The following ATXN3 variants were observed in gnomAD, a reference collection of about 807,000 sequenced individuals.
The protein encoded by ATXN3 is ataxin-3.
ATXN3 carries 28 observed loss-of-function variants against 58.2 expected under a neutral mutation model. The observed-to-expected ratio is 0.48, with a 90% confidence interval of 0.36 to 0.66. The LOEUF is 0.66. ATXN3 is among the 30% of genes least tolerant of loss of function. The probability of loss-of-function intolerance (pLI) is 0.00; values close to 1 mark genes in which losing one functional copy is unlikely to be tolerated. For synonymous variants in ATXN3, 113 were observed against 138.5 expected (o/e 0.82, Z 1.29); for missense variants, 321 against 422.1 (o/e 0.76, Z 2.10).
At chr14:92,083,284 C>A in intron 6 of ATXN3, 26 bp from the exon 7 acceptor site, 1 of 1,587,496 alleles carries the variant, frequency 6.3e-7, no homozygotes, top group Non-Finnish European at 8.6e-7. Context: ...AAAAATCAAC[C>A]TAACCAGTTA....
chr14:92,069,095 T>TTTTTTTTG (rs2058961852), intron 10 of ATXN3, among the ~76,000 whole-genome samples: 1 of 151,672 alleles, frequency 6.6e-6, no homozygotes, highest in African/African-American at 2.4e-5. Context: ...TTTTTTTTTT[T>TTTTTTTTG]GAGAAGGAGT....
At chr14:92,100,965 C>T (rs1482564166) in intron 1 of ATXN3, among the ~76,000 whole-genome samples, 2 of 152,116 alleles carry the variant, frequency 1.3e-5, no homozygotes, top group Non-Finnish European at 2.9e-5. Context: ...AAACTATGGT[C>T]ACCATACTTA....
chr14:92,101,026 T>C (rs1017252469), intron 1 of ATXN3, among the ~76,000 whole-genome samples: 15 of 139,638 alleles, frequency 1.1e-4, no homozygotes, highest in African/African-American at 3.9e-4. Flanking sequence ...AAATTCTCTC[T>C]ATAAAAAATA....
Position 92,102,241 on chromosome 14 carries a change from G to GGAAA in ATXN3, c.24+4284_24+4287dup, listed in dbSNP as rs1013145149. Among the ~76,000 whole-genome samples the GGAAA allele has an allele frequency of 4.7e-3, 598 of 127,848 alleles. 3 individuals carry two copies. Among genetic ancestry groups the GGAAA allele is most frequent in the African/African-American group, 0.016 (556 of 35,240 alleles). The allele number at this position is 127,848 out of a possible 152,430, so 83.9% of individuals were successfully genotyped here. ...AGAAAAGAAAGAAGGAAGGAAGGAAGGAAAGAAAGAAAGAAAAGGAAGAAA... is the reference window on the plus strand; with the variant it reads ...AGAAAAGAAAGAAGGAAGGAAGGAAGGAAAGAAAGAAAGAAAGAAAAGGAAGAAA... On this transcript the variant is annotated intron_variant, in intron 1 of 10. Transcript: ENST00000644486.
At chr14:92,083,386 CT>C in intron 6 of ATXN3, 128 bp from the exon 7 acceptor site, 1 of 942,036 alleles carries the variant, frequency 1.1e-6, no homozygotes, top group Non-Finnish European at 1.6e-6. Context: ...TTCAGAAAGA[CT>C]TTAGTCCAAA....
chr14:92,099,075 C>G (rs1212217616), intron 1 of ATXN3, among the ~76,000 whole-genome samples: 1 of 152,170 alleles, frequency 6.6e-6, no homozygotes, highest in Non-Finnish European at 1.5e-5. Flanking sequence ...ACACAGACAC[C>G]AGGTTTGCCC....
At chr14:92,045,382 T>C (rs1050881633) in intron 2 of ATXN3, among the ~76,000 whole-genome samples, 1 of 152,190 alleles carries the variant, frequency 6.6e-6, no homozygotes, top group Non-Finnish European at 1.5e-5. Context: ...AGAAATTATT[T>C]CTGACAGAAG....
chr14:92,069,084 T>TTTTTTTG (rs1469240368), intron 10 of ATXN3, among the ~76,000 whole-genome samples: 1 of 77,274 alleles, frequency 1.3e-5, no homozygotes, highest in Non-Finnish European at 2.6e-5. Flanking sequence ...TGCTATAATC[T>TTTTTTTG]TTTTTTTTTT....
chr14:92,104,818 G>A (rs1352059420), intron 1 of ATXN3, among the ~76,000 whole-genome samples: 5 of 151,856 alleles, frequency 3.3e-5, no homozygotes, highest in Non-Finnish European at 7.4e-5. Flanking sequence ...AGCTACTGGG[G>A]AGACTGAGGC....
At chr14:92,106,118 TTAGGG>T (rs1482830004) in intron 1 of ATXN3, among the ~76,000 whole-genome samples, 3 of 151,880 alleles carry the variant, frequency 2.0e-5, no homozygotes, top group Non-Finnish European at 4.4e-5. Context: ...TCTGCCAGGA[TTAGGG>T]TAGGAGGGGT....
chr14:92,099,968 G>GA (rs1187560858), intron 1 of ATXN3, among the ~76,000 whole-genome samples: 1 of 151,774 alleles, frequency 6.6e-6, no homozygotes, highest in Admixed American at 6.6e-5. Flanking sequence ...GAAAAAGAAA[G>GA]AAAGAAAAGA....
chr14:92,061,370 C>A lies in ATXN3; in HGVS notation c.*2950G>T, dbSNP rs1015207948. On this transcript the variant is annotated 3_prime_UTR_variant, in exon 11 of 11. Transcript: ENST00000644486. ...ACAGTTTATATTACTGAAATATTTA[C>A]ATGATTACCGTAAAAAACATAGATT... The A allele has an allele frequency of 6.6e-6, 1 of 152,032 alleles. No homozygotes were observed. Among genetic ancestry groups the A allele is most frequent in the African/African-American group, 2.4e-5 (1 of 41,380 alleles). 9.4% of individuals were successfully genotyped at this position (152,032 alleles called of 1,614,324 possible).
chr14:92,092,833 CTT>C (rs914034212), intron 5 of ATXN3, among the ~76,000 whole-genome samples: 1 of 142,064 alleles, frequency 7.0e-6, no homozygotes, highest in Admixed American at 7.1e-5. Flanking sequence ...GTCAGCAATC[CTT>C]TTTTTTTTTT....
At chr14:92,106,499 G>A (rs756246100) in intron 1 of ATXN3, 30 bp downstream of exon 1, 9 of 1,612,964 alleles carry the variant, frequency 5.6e-6, no homozygotes, top group Non-Finnish European at 7.6e-6. Flanking sequence ...CCGCGCGGCA[G>A]ACAGCTCCCC....
intron 9 of ATXN3, among the ~76,000 whole-genome samples, chr14:92,075,156 G>GTTTTTTTTTTTTTTTTTTT (rs376552690): frequency 9.0e-6 from 1 of 111,356 alleles, no homozygotes; most frequent in Non-Finnish European, 1.8e-5. Context: ...GTAATAGGGA[G>GTTTTTTTTTTTTTTTTTTT]TTTTTTTTTT....
intron 9 of ATXN3, among the ~76,000 whole-genome samples, chr14:92,074,532 T>C (rs1415531023): frequency 2.6e-5 from 4 of 152,200 alleles, no homozygotes; most frequent in African/African-American, 9.6e-5. Context: ...TATAGCAGTA[T>C]GTTCTTAAAT....
intron 2 of ATXN3, 91 bp downstream of exon 2, chr14:92,096,583 C>T (rs936107565): frequency 3.0e-6 from 4 of 1,314,054 alleles, no homozygotes; most frequent in Non-Finnish European, 4.2e-6. Flanking sequence ...GAGATCGCGC[C>T]ATTGCACTCC....
chr14:92,082,216 G>T, intron 8 of ATXN3, 84 bp downstream of exon 8: 1 of 1,441,300 alleles, frequency 6.9e-7, no homozygotes, highest in Non-Finnish European at 9.4e-7. Context: ...ACACCTCTAA[G>T]AGTACATTAA....
intron 6 of ATXN3, 150 bp downstream of exon 6, chr14:92,088,580 C>T: frequency 1.5e-6 from 1 of 663,960 alleles, no homozygotes; most frequent in African/African-American, 1.8e-5. Context: ...TGAACAGCGT[C>T]ACCCAAATCA....
Sources: allele counts gnomAD v4.1 joint callset (sites outside exome capture counted in the v4.1 genomes callset), GRCh38; gene constraint gnomAD v4.1.1; transcripts MANE v1.5; gene names NCBI Gene and HGNC (gene_info 2026-07-23, HGNC 2026-07-21).